The following BMERB1 variants were observed in gnomAD, a reference collection of about 807,000 sequenced individuals.
BMERB1 encodes bMERB domain containing 1.
Under a neutral mutation model 23.6 loss-of-function variants are expected in BMERB1, and 12 were observed. The observed-to-expected ratio is 0.51, with a 90% CI of 0.33 to 0.82. The LOEUF (loss-of-function observed/expected upper bound fraction) is 0.82. BMERB1 is among the 40% of genes least tolerant of loss of function. BMERB1 has a pLI of 0.03. For synonymous variants in BMERB1, 122 were observed against 96.6 expected, an observed-to-expected ratio of 1.26 and a Z score of -1.54; for missense variants, 247 against 255.4, an observed-to-expected ratio of 0.97 and a Z score of 0.22.
At chr16:15,438,380 C>T (rs2050906873) in intron 1 of BMERB1, among the ~76,000 whole-genome samples, 1 of 151,882 alleles carries the variant, frequency 6.6e-6, no homozygotes, top group Non-Finnish European at 1.5e-5. Context: ...AGCCACCACA[C>T]CTGGCGAAAG....
chr16:15,553,842 G>A (rs555380123), intron 2 of BMERB1, among the ~76,000 whole-genome samples: 1 of 152,264 alleles, frequency 6.6e-6, no homozygotes, highest in South Asian at 2.1e-4. Context: ...AGGTCAAAGG[G>A]AGAGTGCACT....
chr16:15,537,470 C>T (rs2052036130), intron 2 of BMERB1, among the ~76,000 whole-genome samples: 1 of 151,730 alleles, frequency 6.6e-6, no homozygotes, highest in South Asian at 2.1e-4. Flanking sequence ...TCTCCTGCCT[C>T]AGCCTCCCCA....
intron 1 of BMERB1, among the ~76,000 whole-genome samples, chr16:15,479,383 A>G (rs2051300700): frequency 6.6e-6 from 1 of 152,242 alleles, no homozygotes. Flanking sequence ...TCTTTCAAAG[A>G]GTAAGATAGA....
chr16:15,485,369 TCTC>T (rs1474076137), intron 1 of BMERB1, among the ~76,000 whole-genome samples: 2 of 152,146 alleles, frequency 1.3e-5, no homozygotes, highest in Non-Finnish European at 2.9e-5. Context: ...ACTTAGCAAA[TCTC>T]CTGGCCATTC....
intron 1 of BMERB1, among the ~76,000 whole-genome samples, chr16:15,459,195 TAAAA>T (rs1236318203): frequency 4.6e-5 from 7 of 151,656 alleles, no homozygotes; most frequent in Admixed American, 2.6e-4. Flanking sequence ...AGAAAGCTAT[TAAAA>T]AGGAACAGAC....
intron 2 of BMERB1, among the ~76,000 whole-genome samples, chr16:15,542,167 A>C (rs1484352284): frequency 1.3e-5 from 2 of 148,986 alleles, no homozygotes; most frequent in Non-Finnish European, 1.5e-5. Context: ...AGGTTCAAGC[A>C]ATTATCCTGC....
At chr16:15,532,463 C>T (rs1333779099) in intron 2 of BMERB1, among the ~76,000 whole-genome samples, 2 of 151,490 alleles carry the variant, frequency 1.3e-5, no homozygotes, top group African/African-American at 4.8e-5. Flanking sequence ...CTCCTGACCT[C>T]GTGATTCGCC....
intron 1 of BMERB1, among the ~76,000 whole-genome samples, chr16:15,470,821 G>A (rs1222872171): frequency 7.2e-6 from 1 of 138,326 alleles, no homozygotes; most frequent in East Asian, 2.1e-4. Flanking sequence ...ACCGCACCTG[G>A]CCTCTTTTTT....
At chr16:15,581,515 A>G (rs139423361) in intron 4 of BMERB1, 184 bp downstream of exon 4, 7 of 499,430 alleles carry the variant, frequency 1.4e-5, no homozygotes, top group African/African-American at 7.8e-5. Flanking sequence ...CATTTTGTAT[A>G]TAAGAGAATT....
intron 1 of BMERB1, among the ~76,000 whole-genome samples, chr16:15,453,769 G>A (rs1319946309): frequency 1.3e-5 from 2 of 152,126 alleles, no homozygotes; most frequent in East Asian, 3.8e-4. Flanking sequence ...AGCTACACGA[G>A]AGGCTGAGGC....
chr16:15,578,985 A>C (rs1208481525), intron 3 of BMERB1, among the ~76,000 whole-genome samples: 1 of 152,146 alleles, frequency 6.6e-6, no homozygotes, highest in East Asian at 1.9e-4. Context: ...GACGCAGGCC[A>C]CTTGTGTGAG....
At chr16:15,488,955 G>C (rs543205009) in intron 1 of BMERB1, among the ~76,000 whole-genome samples, 1 of 149,600 alleles carries the variant, frequency 6.7e-6, no homozygotes, top group East Asian at 2.0e-4. Context: ...CTACACTCTA[G>C]GGGTGGTTGA....
intron 1 of BMERB1, among the ~76,000 whole-genome samples, chr16:15,490,931 C>T (rs753002960): frequency 1.3e-5 from 2 of 152,186 alleles, no homozygotes; most frequent in Non-Finnish European, 2.9e-5. Flanking sequence ...TAACCTCCAC[C>T]GCCTTCTGGG....
chr16:15,447,480 A>G (rs1236743516), intron 1 of BMERB1, among the ~76,000 whole-genome samples: 1 of 152,202 alleles, frequency 6.6e-6, no homozygotes, highest in African/African-American at 2.4e-5. Flanking sequence ...TCAGATTACA[A>G]TTCAAGATGA....
intron 5 of BMERB1, among the ~76,000 whole-genome samples, chr16:15,584,659 C>A (rs1377886079): frequency 1.3e-5 from 2 of 152,118 alleles, no homozygotes; most frequent in Non-Finnish European, 2.9e-5. Context: ...AGAACTAGAG[C>A]CTCAAGGACT....
At chr16:15,571,512 G>T (rs552283514) in intron 3 of BMERB1, among the ~76,000 whole-genome samples, 1 of 151,976 alleles carries the variant, frequency 6.6e-6, no homozygotes, top group East Asian at 1.9e-4. Flanking sequence ...CTGCCACCAC[G>T]CCCGGCTAAT....
At chr16:15,567,677 C>A (rs950752792) in intron 2 of BMERB1, among the ~76,000 whole-genome samples, 2 of 152,130 alleles carry the variant, frequency 1.3e-5, no homozygotes, top group Non-Finnish European at 2.9e-5. Flanking sequence ...GCAGGAGAAT[C>A]GCTTGAACCC....
intron 1 of BMERB1, among the ~76,000 whole-genome samples, chr16:15,510,958 T>C (rs1158784011): frequency 6.6e-6 from 1 of 152,120 alleles, no homozygotes; most frequent in African/African-American, 2.4e-5. Flanking sequence ...CGCTTCGGCC[T>C]CTCAAAGTGC....
intron 2 of BMERB1, among the ~76,000 whole-genome samples, chr16:15,523,483 T>C (rs888387489): frequency 6.6e-6 from 1 of 152,170 alleles, no homozygotes; most frequent in African/African-American, 2.4e-5. Context: ...GCACTTCCCT[T>C]CCTTCCTTCT....
Sources: allele counts gnomAD v4.1 joint callset (sites outside exome capture counted in the v4.1 genomes callset), GRCh38; gene constraint gnomAD v4.1.1; transcripts MANE v1.5; gene names NCBI Gene and HGNC (gene_info 2026-07-23, HGNC 2026-07-21).